ARHGAP29: variants seen among roughly 807,000 people sequenced by gnomAD.
ARHGAP29 encodes Rho GTPase activating protein 29, also known as rho GTPase-activating protein 29.
ARHGAP29 carries 43 observed loss-of-function variants against 122.6 expected under a neutral mutation model. The ratio of observed to expected loss-of-function variants is 0.35; its 90% CI spans 0.27 to 0.45. The LOEUF is 0.45. Among genes scored for constraint, ARHGAP29 ranks in the 20% least tolerant of loss-of-function variants. The pLI, the probability that ARHGAP29 is intolerant of heterozygous loss-of-function variation, is 1.00. For missense variants in ARHGAP29, 1,303 were observed against 1,477.2 expected (o/e 0.88, Z 1.93); for synonymous variants, 506 against 497.1 (o/e 1.02, Z -0.24).
rs1308454370 is a variant in ARHGAP29 at position 94,170,777 on chromosome 1, AAATGCTTCCTGAC to A, written c.*3079_*3091del. Among the ~76,000 whole-genome samples the A allele has an allele frequency of 2.0e-5, 3 of 152,220 alleles. No homozygotes were observed. Among genetic ancestry groups the A allele is most frequent in the Non-Finnish European group, 4.4e-5 (3 of 68,034 alleles). The stretch of plus-strand genomic sequence containing the variant: ...TACTACATTTATTTAAGATCTCCTT[AAATGCTTCCTGAC>A]ATGGTCTAACATTTTCTCCATCAAG... On this transcript the variant is annotated 3_prime_UTR_variant, in exon 23 of 23. Coordinates refer to ENST00000260526, the MANE Select transcript of ARHGAP29 (RefSeq NM_004815.4).
At chr1:94,179,501 GA>G (rs1371306646) in intron 20 of ARHGAP29, among the ~76,000 whole-genome samples, 5 of 140,138 alleles carry the variant, frequency 3.6e-5, no homozygotes, top group African/African-American at 1.1e-4. Context: ...GGCTGAGGCA[GA>G]AGAATTGCTT....
chr1:94,314,422 G>C, the ARHGAP29 span, among the ~76,000 whole-genome samples: 1 of 152,150 alleles, frequency 6.6e-6, no homozygotes, highest in Non-Finnish European at 1.5e-5. Context: ...GGGGGATTGT[G>C]CTCCCTGAAG....
chr1:94,273,064 A>G (rs1360365), intron 1 of ARHGAP29, among the ~76,000 whole-genome samples: 13,777 of 152,226 alleles, frequency 0.091, 682 homozygotes, highest in South Asian at 0.13. Flanking sequence ...GCTATGGTCA[A>G]TTGGACACTG....
chr1:94,190,213 G>A, intron 12 of ARHGAP29, 130 bp from the exon 13 acceptor site: 1 of 901,032 alleles, frequency 1.1e-6, no homozygotes, highest in Non-Finnish European at 1.6e-6. Flanking sequence ...ATATCACTCT[G>A]AACATACTAT....
At chr1:94,272,272 G>C (rs149991103) in intron 1 of ARHGAP29, among the ~76,000 whole-genome samples, 37 of 152,268 alleles carry the variant, frequency 2.4e-4, no homozygotes, top group African/African-American at 8.2e-4. Context: ...TGCGGAGATG[G>C]GACTATGGGA....
chr1:94,249,974 G>C (rs1214005297), intron 1 of ARHGAP29, among the ~76,000 whole-genome samples: 2 of 150,998 alleles, frequency 1.3e-5, no homozygotes, highest in Non-Finnish European at 3.0e-5. Context: ...TGAATGGTAG[G>C]CCCAGCAGTA....
At chr1:94,226,171 A>C (rs1324917971) in intron 2 of ARHGAP29, among the ~76,000 whole-genome samples, 1 of 152,018 alleles carries the variant, frequency 6.6e-6, no homozygotes, top group Non-Finnish European at 1.5e-5. Context: ...AGCAATGAAA[A>C]TAAGGAGAAA....
At chr1:94,219,466 C>CAA (rs1652152698) in intron 3 of ARHGAP29, among the ~76,000 whole-genome samples, 1 of 152,172 alleles carries the variant, frequency 6.6e-6, no homozygotes, top group Non-Finnish European at 1.5e-5. Context: ...CACTAACATT[C>CAA]AACCTGTGTC....
chr1:94,288,710 A>T, the ARHGAP29 span, among the ~76,000 whole-genome samples: 2 of 152,150 alleles, frequency 1.3e-5, no homozygotes, highest in African/African-American at 4.8e-5. Context: ...TCAGCTTTCT[A>T]CATATGGCTA....
intron 1 of ARHGAP29, among the ~76,000 whole-genome samples, chr1:94,248,318 A>G (rs1653916600): frequency 6.6e-6 from 1 of 152,224 alleles, no homozygotes; most frequent in African/African-American, 2.4e-5. Context: ...GCTTCTTACC[A>G]TTAAGTGCTC....
chr1:94,314,120 A>G, the ARHGAP29 span, among the ~76,000 whole-genome samples: 9 of 152,232 alleles, frequency 5.9e-5, no homozygotes, highest in Admixed American at 2.6e-4. Context: ...AACTTAAAGT[A>G]TAATAAAATA....
chr1:94,226,527 T>C (rs1652621422), intron 2 of ARHGAP29, among the ~76,000 whole-genome samples: 1 of 151,930 alleles, frequency 6.6e-6, no homozygotes, highest in Non-Finnish European at 1.5e-5. Context: ...TCCTAATCAC[T>C]ATGATATATT....
intron 1 of ARHGAP29, among the ~76,000 whole-genome samples, chr1:94,260,419 A>G (rs993410991): frequency 1.3e-5 from 2 of 152,180 alleles, no homozygotes; most frequent in African/African-American, 4.8e-5. Flanking sequence ...AGCAACTCTG[A>G]AGAAAGCTGG....
chr1:94,307,248 A>G, the ARHGAP29 span, among the ~76,000 whole-genome samples: 1 of 152,214 alleles, frequency 6.6e-6, no homozygotes, highest in Non-Finnish European at 1.5e-5. Context: ...TGATGCCACT[A>G]TAAATACTTG....
intron 18 of ARHGAP29, 44 bp downstream of exon 18, chr1:94,184,828 C>T (rs1172830720): frequency 7.0e-7 from 1 of 1,432,324 alleles, no homozygotes; most frequent in East Asian, 2.3e-5. Flanking sequence ...GAATAGGTTA[C>T]ACAGGCATTT....
At chr1:94,183,400 A>C (rs1570493587) in intron 19 of ARHGAP29, among the ~76,000 whole-genome samples, 1 of 152,046 alleles carries the variant, frequency 6.6e-6, no homozygotes, top group African/African-American at 2.4e-5. Context: ...CAATCCCTCC[A>C]TAAGCTGCTG....
At chr1:94,270,237 T>C (rs949174453) in intron 1 of ARHGAP29, among the ~76,000 whole-genome samples, 2 of 152,156 alleles carry the variant, frequency 1.3e-5, no homozygotes, top group African/African-American at 2.4e-5. Flanking sequence ...TCAATAAAGT[T>C]TTTGGGGTCC....
intron 1 of ARHGAP29, among the ~76,000 whole-genome samples, chr1:94,259,856 A>C (rs1227794917): frequency 6.6e-6 from 1 of 152,250 alleles, no homozygotes; most frequent in Non-Finnish European, 1.5e-5. Flanking sequence ...AAGATGGAAC[A>C]GGAATCTGTG....
intron 12 of ARHGAP29, chr1:94,193,415 T>C (rs34859529): frequency 0.24 from 35,869 of 150,370 alleles, 4,451 homozygotes; most frequent in Non-Finnish European, 0.27. Context: ...ACTTCTCAAA[T>C]TTTTCAAGAG....
Sources: allele counts gnomAD v4.1 joint callset (sites outside exome capture counted in the v4.1 genomes callset), GRCh38; gene constraint gnomAD v4.1.1; transcripts MANE v1.5; gene names NCBI Gene and HGNC (gene_info 2026-07-23, HGNC 2026-07-21).